CELA2A: variants seen among roughly 807,000 people sequenced by gnomAD.
The protein encoded by CELA2A is chymotrypsin like elastase 2A, also known as chymotrypsin-like elastase family member 2A.
Under a neutral mutation model 35.3 loss-of-function variants are expected in CELA2A, and 31 were observed. That is an observed-to-expected ratio of 0.88 (90% CI 0.66 to 1.19). CELA2A has a LOEUF of 1.19. Among genes scored for constraint, CELA2A ranks in the 50% most tolerant of loss-of-function variants. The pLI is 0.00. For missense variants in CELA2A, 330 were observed against 352.9 expected, an observed-to-expected ratio of 0.94 and a Z score of 0.52; for synonymous variants, 150 against 149.8, an observed-to-expected ratio of 1.00 and a Z score of -0.01.
At chr1:15,468,091 T>TAAAAAAAAAAAAAAAAAAAAAAAA (rs35520894) in intron 7 of CELA2A, among the ~76,000 whole-genome samples, 1 of 86,430 alleles carries the variant, frequency 1.2e-5, no homozygotes, top group African/African-American at 4.6e-5. Flanking sequence ...AAACTCCATC[T>TAAAAAAAAAAAAAAAAAAAAAAAA]AAAAAAAAAA....
At chr1:15,459,133 G>C (rs1708398658) in intron 2 of CELA2A, among the ~76,000 whole-genome samples, 1 of 149,682 alleles carries the variant, frequency 6.7e-6, no homozygotes, top group African/African-American at 2.5e-5. Context: ...TGGGATTACA[G>C]GCACCCACCA....
chr1:15,465,915 C>G (rs1708509965), intron 5 of CELA2A, 84 bp from the exon 6 acceptor site: 1 of 1,502,206 alleles, frequency 6.7e-7, no homozygotes, highest in Non-Finnish European at 9.2e-7. Context: ...AAGACAGGAA[C>G]AGGGGAAACC....
intron 2 of CELA2A, 90 bp from the exon 3 acceptor site, chr1:15,461,471 C>A (rs958318070): frequency 1.4e-6 from 2 of 1,429,712 alleles, no homozygotes; most frequent in Non-Finnish European, 2.0e-6. Flanking sequence ...TCCCCCTTAC[C>A]CTTGTCCCAG....
At chr1:15,465,790 A>G (rs1708508349) in intron 5 of CELA2A, 2 of 595,112 alleles carry the variant, frequency 3.4e-6, no homozygotes, top group Non-Finnish European at 6.0e-6. Context: ...CCATCTCAGA[A>G]TCCCAGGGGA....
chr1:15,457,000 A>G lies in CELA2A; in HGVS notation c.41-86A>G, dbSNP rs1286574940. ...GATCCTTCTAGAACAAGGGTTTTCTATTTGGGGGGTCAGAATGCGCAGCAA... is the reference window on the plus strand; with the variant it reads ...GATCCTTCTAGAACAAGGGTTTTCTGTTTGGGGGGTCAGAATGCGCAGCAA... On this transcript the variant is annotated intron_variant, in intron 1 of 7. Transcript: ENST00000359621. 2.1e-6 allele frequency: 3 copies of G among 1,398,746 alleles called. No homozygotes were observed. The African/African-American group carries it at 4.2e-5, about 20-fold the overall frequency. 86.6% of individuals were successfully genotyped at this position (1,398,746 alleles called of 1,614,324 possible).
Position 15,462,803 on chromosome 1 carries a change from G to C in CELA2A, c.298G>C (p.Val100Leu). 4 of 1,614,138 alleles carry C rather than the reference G, an allele frequency of 2.5e-6. No homozygotes were observed. The South Asian group carries it at 4.4e-5, about 18-fold the overall frequency. ...LYVAESGSLA[V>L]SVSKIVVHKD... ...CGTTGCGGAGTCCGGCTCGCTGGCAGTCAGTGTCTCTAAGATTGTGGTGCA... is the reference window on the plus strand; with the variant it reads ...CGTTGCGGAGTCCGGCTCGCTGGCACTCAGTGTCTCTAAGATTGTGGTGCA... The change falls in exon 4 of 8, where the codon GTC (valine) becomes CTC (leucine). Residue 100 changes from valine (V) to leucine (L), a missense_variant. By Grantham distance (32) the Val-to-Leu change is conservative. Transcript: ENST00000359621.
chr1:15,461,179 G>A (rs1350318264), intron 2 of CELA2A, among the ~76,000 whole-genome samples: 9 of 152,058 alleles, frequency 5.9e-5, no homozygotes, highest in African/African-American at 1.4e-4. Flanking sequence ...TCCCTCGCAC[G>A]ACAAATGGGG....
In CELA2A at chr1:15,461,602, C is replaced by T. The variant is rs1708435004; in HGVS notation, c.171C>T (p.Thr57=). Residue 57 remains threonine (T), a synonymous_variant, in exon 3 of 8, where the codon ACC becomes ACT. Transcript: ENST00000359621. ...GCTCCAATGGCAAGTGGTACCACAC[C>T]TGCGGAGGGTCCCTGATAGCCAACA... The part of the protein sequence containing the change: ...QYSSNGKWYH[T]CGGSLIANSW... 4 of 1,612,592 alleles carry T rather than the reference C, an allele frequency of 2.5e-6. No individual in the cohort carries two copies. The Admixed American group carries it at 5.0e-5, about 20-fold the overall frequency.
intron 6 of CELA2A, among the ~76,000 whole-genome samples, chr1:15,466,504 G>C (rs1708520027): frequency 6.6e-6 from 1 of 152,032 alleles, no homozygotes; most frequent in Admixed American, 6.6e-5. Flanking sequence ...GGAGGTTGCA[G>C]TGAGCTGAGA....
At chr1:15,467,650 T>C (rs1290988261) in intron 7 of CELA2A, 112 bp downstream of exon 7, 4 of 1,363,962 alleles carry the variant, frequency 2.9e-6, no homozygotes, top group African/African-American at 2.9e-5. Context: ...GAGAGCTAGA[T>C]GGGAACCCCT....
chr1:15,462,062 C>G, intron 3 of CELA2A: 1 of 480,452 alleles, frequency 2.1e-6, no homozygotes, highest in Non-Finnish European at 4.3e-6. Flanking sequence ...TACCAAAGGG[C>G]CTGGCACTTA....
At position 15,456,864 on chromosome 1, in the gene CELA2A, T is replaced by C. The variant is rs1708367802; in HGVS notation, c.40+71T>C. ...GGCTGGAAATGGGATCTTCCTGTCC[T>C]CCCCTCTCGCCCCCACCCAACCCCT... On this transcript the variant is annotated intron_variant, in intron 1 of 7. Transcript: ENST00000359621. 11 of 1,597,132 alleles carry C rather than the reference T, an allele frequency of 6.9e-6. No homozygotes were observed. The Admixed American group carries it at 1.7e-4, about 24-fold the overall frequency.
At chr1:15,468,757 C>T (rs548483436) in intron 7 of CELA2A, among the ~76,000 whole-genome samples, 93 of 152,266 alleles carry the variant, frequency 6.1e-4, no homozygotes, top group Non-Finnish European at 1.2e-3. Flanking sequence ...CTGCAGTGAG[C>T]ACTTAAGCCT....
At chr1:15,460,811 A>G (rs561749147) in intron 2 of CELA2A, among the ~76,000 whole-genome samples, 2 of 152,162 alleles carry the variant, frequency 1.3e-5, no homozygotes, top group East Asian at 3.9e-4. Flanking sequence ...AACCGGGACT[A>G]TAGGCATGCA....
chr1:15,471,317 C>A (rs555449275), intron 7 of CELA2A, among the ~76,000 whole-genome samples: 1 of 152,078 alleles, frequency 6.6e-6, no homozygotes, highest in Admixed American at 6.6e-5. Flanking sequence ...GAAGCTGAGG[C>A]GAGTAGATCA....
chr1:15,469,380 T>C (rs539087268), intron 7 of CELA2A, among the ~76,000 whole-genome samples: 2 of 152,308 alleles, frequency 1.3e-5, no homozygotes, highest in East Asian at 1.9e-4. Context: ...ATGGGAGTTA[T>C]GGTATTCGTG....
intron 5 of CELA2A, among the ~76,000 whole-genome samples, chr1:15,463,787 T>A (rs1007794147): frequency 2.6e-5 from 4 of 152,028 alleles, no homozygotes; most frequent in Non-Finnish European, 5.9e-5. Flanking sequence ...CAGTGGCTCA[T>A]ACCTGTAATC....
chr1:15,457,134 T>C lies in CELA2A; in HGVS notation c.89T>C (p.Val30Ala), dbSNP rs769676494. The C allele has an allele frequency of 1.2e-6, 2 of 1,614,138 alleles. No individual in the cohort carries two copies. The highest frequency in any genetic ancestry group is 1.1e-5 in the South Asian group (1 of 91,070). Residue 30 changes from valine to alanine, a missense_variant, in exon 2 of 8, where the codon GTT becomes GCT. Coordinates refer to ENST00000359621, the MANE Select transcript of CELA2A (RefSeq NM_033440.3). ...PTYPPYVTRV[V>A]GGEEARPNSW... is the part of the protein sequence containing the mutation. ...TACCCACCTTATGTGACTAGGGTGG[T>C]TGGCGGTGAAGAAGCGAGGCCCAAC...
intron 2 of CELA2A, among the ~76,000 whole-genome samples, chr1:15,458,055 G>C (rs1265640542): frequency 6.6e-6 from 1 of 152,160 alleles, no homozygotes; most frequent in Non-Finnish European, 1.5e-5. Flanking sequence ...TCATTTATCT[G>C]ATGTAATTGG....
Sources: allele counts gnomAD v4.1 joint callset (sites outside exome capture counted in the v4.1 genomes callset), GRCh38; gene constraint gnomAD v4.1.1; transcripts MANE v1.5; gene names NCBI Gene and HGNC (gene_info 2026-07-23, HGNC 2026-07-21).